The following GPATCH2 variants were observed in gnomAD, a reference collection of about 807,000 sequenced individuals.
GPATCH2 encodes the protein G patch domain-containing protein 2.
GPATCH2 carries 51 observed loss-of-function variants against 58.0 expected under a neutral mutation model. That is an observed-to-expected ratio of 0.88 (90% CI 0.70 to 1.11). The LOEUF is 1.11. Among genes scored for constraint, GPATCH2 ranks in the 50% most tolerant of loss-of-function variants. The pLI is 0.00. For missense variants in GPATCH2, 625 were observed against 652.2 expected, an observed-to-expected ratio of 0.96 and a Z score of 0.45; for synonymous variants, 222 against 218.5, an observed-to-expected ratio of 1.02 and a Z score of -0.14.
At chr1:217,586,518 G>A (rs957503105) in intron 5 of GPATCH2, among the ~76,000 whole-genome samples, 2 of 152,068 alleles carry the variant, frequency 1.3e-5, no homozygotes, top group African/African-American at 4.8e-5. Flanking sequence ...AACACACATG[G>A]AGCTGCCATC....
intron 5 of GPATCH2, among the ~76,000 whole-genome samples, chr1:217,583,588 A>T (rs922729723): frequency 1.5e-4 from 22 of 151,480 alleles, no homozygotes; most frequent in Non-Finnish European, 7.4e-5. Context: ...AAAAAAAAAA[A>T]AAAGATAGAA....
chr1:217,522,299 GATTAAT>G lies in GPATCH2; in HGVS notation c.1099-7416_1099-7411del, dbSNP rs201055130. Among the ~76,000 whole-genome samples, 898 of 152,168 alleles carry G rather than the reference GATTAAT, an allele frequency of 5.9e-3. 7 individuals carry two copies. The highest frequency in any genetic ancestry group is 0.02 in the African/African-American group (825 of 41,534). Reference sequence around the variant, plus strand: ...AAGATCTAAATGCTTTCACAAAAAAGATTAATCACTAAATAATTCAAAAACAAATAC... The same window carrying G: ...AAGATCTAAATGCTTTCACAAAAAAGCACTAAATAATTCAAAAACAAATAC... On this transcript the variant is annotated intron_variant, in intron 5 of 9. Transcript: ENST00000366935.
chr1:217,547,338 G>A (rs543066494), intron 5 of GPATCH2, among the ~76,000 whole-genome samples: 24 of 140,082 alleles, frequency 1.7e-4, no homozygotes, highest in African/African-American at 5.2e-4. Flanking sequence ...ACTCCAGCCT[G>A]GGTGACAGCG....
At chr1:217,527,083 AATGATATAATTATTTCATT>A (rs1663942499) in intron 5 of GPATCH2, among the ~76,000 whole-genome samples, 1 of 144,264 alleles carries the variant, frequency 6.9e-6, no homozygotes, top group African/African-American at 2.5e-5. Flanking sequence ...ACAATGTAAT[AATGATATAATTATTTCATT>A]ATGTATTACA....
chr1:217,537,484 C>A (rs1035854254), intron 5 of GPATCH2, among the ~76,000 whole-genome samples: 35 of 152,156 alleles, frequency 2.3e-4, no homozygotes, highest in African/African-American at 7.9e-4. Flanking sequence ...AAGTGCTTTG[C>A]ACTGACAACA....
In GPATCH2 at chr1:217,620,471, C is replaced by A. The variant is rs780796070; in HGVS notation, c.85G>T (p.Val29Phe). 6.2e-7 allele frequency: 1 copy of A among 1,612,196 alleles called. No homozygotes were observed. Among genetic ancestry groups the A allele is most frequent in the Middle Eastern group, 1.7e-4 (1 of 6,044 alleles). ...WHFSRTMEEL[V>F]HDLVSALEES... ...TCCAATGCTGAGACAAGGTCATGAA[C>A]CAGCTCCTCCATGGTTCTACTGAAA... Residue 29 changes from valine (V) to phenylalanine (F), a missense_variant, in exon 2 of 10, where the codon GTT becomes TTT. Physicochemically the swap from Val to Phe is conservative, Grantham distance 50. Coordinates refer to ENST00000366935, the MANE Select transcript of GPATCH2 (RefSeq NM_018040.5).
chr1:217,514,519 C>T (rs577294055), intron 6 of GPATCH2, among the ~76,000 whole-genome samples: 6 of 152,160 alleles, frequency 3.9e-5, no homozygotes, highest in African/African-American at 1.2e-4. Context: ...TGGAGGAGTA[C>T]GAAAGCTTGA....
intron 8 of GPATCH2, among the ~76,000 whole-genome samples, chr1:217,455,389 T>C (rs1036159586): frequency 6.6e-6 from 1 of 152,126 alleles, no homozygotes; most frequent in African/African-American, 2.4e-5. Flanking sequence ...TGCCTACCTG[T>C]TGGCAACTCT....
chr1:217,469,539 GT>G (rs1237374431), intron 8 of GPATCH2, among the ~76,000 whole-genome samples: 2 of 152,010 alleles, frequency 1.3e-5, no homozygotes, highest in Non-Finnish European at 2.9e-5. Flanking sequence ...TAAAAACATA[GT>G]TATAACTCTT....
At chr1:217,614,092 T>C in intron 3 of GPATCH2, 49 bp downstream of exon 3, 1 of 999,582 alleles carries the variant, frequency 1.0e-6, no homozygotes, top group Non-Finnish European at 1.6e-6. Context: ...AGCTCCACTT[T>C]AGAATGAAGA....
chr1:217,500,365 T>A (rs1257726560), intron 6 of GPATCH2, among the ~76,000 whole-genome samples: 1 of 151,982 alleles, frequency 6.6e-6, no homozygotes, highest in Non-Finnish European at 1.5e-5. Flanking sequence ...TTTCTAGATC[T>A]GTCCTGGAAC....
chr1:217,520,318 G>T (rs1368526455), intron 5 of GPATCH2, among the ~76,000 whole-genome samples: 1 of 152,198 alleles, frequency 6.6e-6, no homozygotes, highest in Non-Finnish European at 1.5e-5. Context: ...TGAATTGCTA[G>T]AGAGTTCAAA....
chr1:217,553,359 TG>T (rs1665453729), intron 5 of GPATCH2, among the ~76,000 whole-genome samples: 2 of 152,140 alleles, frequency 1.3e-5, no homozygotes, highest in African/African-American at 4.8e-5. Context: ...TTAAAAAATT[TG>T]GTATACATCT....
rs199657152 is a variant in GPATCH2 at position 217,620,079 on chromosome 1, G to A, written c.477C>T (p.Arg159=). Residue 159 remains arginine, a synonymous_variant, in exon 2 of 10, where the codon CGC becomes CGT. Transcript: ENST00000366935. ...AVDNVGNRTL[R]RRRKVKRMAV... is the part of the protein sequence containing the mutation. ...CCATGCGTTTTACCTTTCTCCTCCT[G>A]CGCAGAGTTCTATTCCCAACATTGT... is the stretch of plus-strand genomic sequence containing the variant. 2.5e-5 allele frequency: 40 copies of A among 1,613,942 alleles called. No individual in the cohort carries two copies. The East Asian group carries it at 8.5e-4, about 34-fold the overall frequency.
chr1:217,443,715 T>A (rs901322843), intron 9 of GPATCH2, among the ~76,000 whole-genome samples: 2 of 152,294 alleles, frequency 1.3e-5, no homozygotes, highest in South Asian at 4.1e-4. Flanking sequence ...TTTATCTCTC[T>A]GTGCTGCTTT....
intron 5 of GPATCH2, among the ~76,000 whole-genome samples, chr1:217,586,748 C>G (rs1193375385): frequency 2.0e-5 from 3 of 152,026 alleles, no homozygotes; most frequent in African/African-American, 7.3e-5. Context: ...TTGTTTACAC[C>G]AGAATCACCA....
chr1:217,614,792 A>G (rs1668807641), intron 2 of GPATCH2, among the ~76,000 whole-genome samples: 1 of 151,268 alleles, frequency 6.6e-6, no homozygotes, highest in Non-Finnish European at 1.5e-5. Flanking sequence ...AAAAAAAAAT[A>G]ATATTACAAA....
rs571075128 is a variant in GPATCH2 at position 217,544,788 on chromosome 1, T to C, written c.1099-29899A>G. 1.6e-3 allele frequency among the ~76,000 whole-genome samples: 244 copies of C among 152,348 alleles called. 1 individual carries two copies. The highest frequency in any genetic ancestry group is 5.6e-3 in the African/African-American group (231 of 41,574). ...CCCCACCTTAGCAAACAAATTTGCC[T>C]TCTATCTTACAAATAAAATATAAAT... On this transcript the variant is annotated intron_variant, in intron 5 of 9. Coordinates refer to ENST00000366935, the MANE Select transcript of GPATCH2 (RefSeq NM_018040.5).
At chr1:217,608,290 G>C in intron 5 of GPATCH2, 1 of 978,284 alleles carries the variant, frequency 1.0e-6, no homozygotes. Context: ...ACCCGAAGGA[G>C]TCCATTGTCT....
Sources: gnomAD v4.1 joint callset for allele counts (sites outside exome capture counted in the v4.1 genomes callset) on GRCh38, gnomAD v4.1.1 for gene constraint, MANE v1.5 for transcripts, NCBI Gene and HGNC (gene_info 2026-07-23, HGNC 2026-07-21) for gene names.